Variants in TTC27 observed in about 807,000 individuals in gnomAD.
TTC27 encodes tetratricopeptide repeat protein 27.
TTC27 carries 79 observed loss-of-function variants against 115.9 expected under a neutral mutation model. The ratio of observed to expected loss-of-function variants is 0.68; its 90% confidence interval spans 0.57 to 0.82. The LOEUF is 0.82. Among genes scored for constraint, TTC27 ranks in the 40% least tolerant of loss-of-function variants. TTC27 has a pLI of 0.00. For synonymous variants in TTC27, 401 were observed against 356.0 expected (o/e 1.13, Z -1.42); for missense variants, 1,054 against 993.1 (o/e 1.06, Z -0.82).
chr2:32,799,565 A>G (rs1670851219), intron 16 of TTC27, among the ~76,000 whole-genome samples: 1 of 152,236 alleles, frequency 6.6e-6, no homozygotes, highest in Non-Finnish European at 1.5e-5. Context: ...ATGGAAGTAG[A>G]TACTGATAAA....
At chr2:32,747,183 G>T (rs1203718150) in intron 12 of TTC27, among the ~76,000 whole-genome samples, 1 of 152,116 alleles carries the variant, frequency 6.6e-6, no homozygotes, top group African/African-American at 2.4e-5. Flanking sequence ...GGTGGGAGTT[G>T]GTGGAGGAAA....
At chr2:32,667,332 T>C (rs1489602198) in intron 7 of TTC27, among the ~76,000 whole-genome samples, 1 of 152,026 alleles carries the variant, frequency 6.6e-6, no homozygotes, top group Admixed American at 6.6e-5. Context: ...TCAGTTTACC[T>C]AATTATAGTC....
rs986320687 is a variant in TTC27, at chr2:32,633,817, T to C, written c.267-59T>C. ...AATAAAACTGAAATGGAATAGTGTGTTTGAGATTATACAGTGATAGTAGTT... is the reference window on the plus strand; with the variant it reads ...AATAAAACTGAAATGGAATAGTGTGCTTGAGATTATACAGTGATAGTAGTT... On this transcript the variant is annotated intron_variant, in intron 2 of 19. Coordinates refer to ENST00000317907, the MANE Select transcript of TTC27 (RefSeq NM_017735.5). 6 of 1,539,908 alleles carry C rather than the reference T, an allele frequency of 3.9e-6. No individual in the cohort carries two copies. The Admixed American group carries it at 1.1e-4, about 27-fold the overall frequency.
At chr2:32,739,303 A>G (rs2151917757) in intron 12 of TTC27, among the ~76,000 whole-genome samples, 1 of 152,328 alleles carries the variant, frequency 6.6e-6, no homozygotes, top group South Asian at 2.1e-4. Context: ...AATATTTGAA[A>G]TAAGCAAGTT....
intron 16 of TTC27, among the ~76,000 whole-genome samples, chr2:32,802,657 C>T (rs1281152519): frequency 2.0e-5 from 3 of 152,156 alleles, no homozygotes; most frequent in Non-Finnish European, 2.9e-5. Context: ...CTTTCTTCTC[C>T]GTTGGCTTCC....
intron 8 of TTC27, among the ~76,000 whole-genome samples, chr2:32,677,723 G>A (rs1390638551): frequency 6.6e-6 from 1 of 152,156 alleles, no homozygotes; most frequent in Non-Finnish European, 1.5e-5. Context: ...AAAGTGCTGG[G>A]ATTACAGGCA....
chr2:32,812,702 AT>A, intron 18 of TTC27, 87 bp downstream of exon 18: 1 of 965,696 alleles, frequency 1.0e-6, no homozygotes, highest in Non-Finnish European at 1.6e-6. Context: ...GTAAAGTTCC[AT>A]TATAAATAGT....
chr2:32,692,837 G>A (rs769232305), intron 9 of TTC27, among the ~76,000 whole-genome samples: 3 of 151,992 alleles, frequency 2.0e-5, no homozygotes, highest in Non-Finnish European at 4.4e-5. Context: ...TTAGCCAGGC[G>A]TCGTGGTGAA....
chr2:32,664,400 G>C lies in TTC27; in HGVS notation c.738G>C (p.Glu246Asp). The change falls in exon 6 of 20, where the codon GAG (glutamate) becomes GAC (aspartate). Residue 246 changes from glutamate (E) to aspartate (D), a missense_variant. Transcript: ENST00000317907. ...ECAYVFLYYY[E>D]YRKAKDQLDI... The stretch of plus-strand genomic sequence containing the variant: ...CATATGTGTTTTTATATTATTATGA[G>C]TACAGAAAAGCAAAAGATCAGTTGG... The C allele has an allele frequency of 6.2e-7, 1 of 1,612,366 alleles. No individual in the cohort carries two copies. The highest frequency in any genetic ancestry group is 8.5e-7 in the Non-Finnish European group (1 of 1,179,470).
intron 12 of TTC27, among the ~76,000 whole-genome samples, chr2:32,741,924 T>A (rs1400153897): frequency 6.6e-6 from 1 of 152,204 alleles, no homozygotes; most frequent in Non-Finnish European, 1.5e-5. Context: ...TTGAACCTTC[T>A]AACTTTAGGA....
intron 4 of TTC27, 114 bp from the exon 5 acceptor site, chr2:32,650,017 T>C (rs34549288): frequency 0.15 from 122,450 of 818,956 alleles, 11,449 homozygotes; most frequent in African/African-American, 0.37. Context: ...GGTAATCTTA[T>C]TGAGGAATAA....
intron 10 of TTC27, 141 bp downstream of exon 10, chr2:32,703,061 A>G (rs1381624071): frequency 1.4e-5 from 9 of 655,348 alleles, no homozygotes; most frequent in Non-Finnish European, 2.4e-5. Flanking sequence ...AATAAGTTCT[A>G]TAATTTAACT....
chr2:32,786,233 T>A (rs1280067961), intron 15 of TTC27, among the ~76,000 whole-genome samples: 1 of 152,090 alleles, frequency 6.6e-6, no homozygotes, highest in Non-Finnish European at 1.5e-5. Context: ...GTGATTCTTG[T>A]GTCTCAGCCT....
rs574474627 is a variant in TTC27 at position 32,673,310 on chromosome 2, C to T, written c.1052+926C>T. On this transcript the variant is annotated intron_variant, in intron 8 of 19. Transcript: ENST00000317907. ...CACAATCTTGGCTCATTGCAACCTC[C>T]GCCCCACGGGCTCAAGCGATTCTCT... Among the ~76,000 whole-genome samples the T allele has an allele frequency of 1.1e-4, 17 of 151,768 alleles. 2 individuals are homozygous for T. In the South Asian group the frequency reaches 1.3e-3, roughly 11 times the overall value.
chr2:32,754,720 G>A (rs1317066723), intron 12 of TTC27, among the ~76,000 whole-genome samples: 1 of 151,584 alleles, frequency 6.6e-6, no homozygotes, highest in Admixed American at 6.6e-5. Flanking sequence ...AGTAGGGGCG[G>A]CCGGGCAGAG....
At chr2:32,646,607 A>C (rs1572472530) in intron 4 of TTC27, among the ~76,000 whole-genome samples, 1 of 121,774 alleles carries the variant, frequency 8.2e-6, no homozygotes, top group Non-Finnish European at 1.6e-5. Flanking sequence ...TCTGTCTCCC[A>C]GGCTGGAGTG....
chr2:32,818,391 T>C (rs1671576780), intron 19 of TTC27, among the ~76,000 whole-genome samples: 1 of 152,194 alleles, frequency 6.6e-6, no homozygotes, highest in African/African-American at 2.4e-5. Flanking sequence ...GTGAGCAAAA[T>C]TGTTAAGGTA....
At chr2:32,651,229 A>G (rs1665110967) in intron 5 of TTC27, among the ~76,000 whole-genome samples, 1 of 152,186 alleles carries the variant, frequency 6.6e-6, no homozygotes, top group Non-Finnish European at 1.5e-5. Context: ...GCATCATTCT[A>G]TGTGGAGAAA....
At chr2:32,714,573 G>A (rs1667694908) in intron 10 of TTC27, among the ~76,000 whole-genome samples, 2 of 152,158 alleles carry the variant, frequency 1.3e-5, no homozygotes, top group African/African-American at 2.4e-5. Flanking sequence ...TGTCTTTATG[G>A]TAGACTGATT....
Sources: gnomAD v4.1 joint callset for allele counts (sites outside exome capture counted in the v4.1 genomes callset) on GRCh38, gnomAD v4.1.1 for gene constraint, MANE v1.5 for transcripts, NCBI Gene and HGNC (gene_info 2026-07-23, HGNC 2026-07-21) for gene names.